The following DOCK2 variants were observed in gnomAD, a reference collection of about 807,000 sequenced individuals.
DOCK2 encodes dedicator of cytokinesis 2.
DOCK2 carries 87 observed loss-of-function variants against 248.9 expected under a neutral mutation model. The observed-to-expected ratio is 0.35, with a 90% confidence interval of 0.29 to 0.42. DOCK2 has a LOEUF of 0.42. Ranked by LOEUF, DOCK2 falls within the 10% of genes least tolerant of loss-of-function variation. The pLI is 1.00. For synonymous variants in DOCK2, 805 were observed against 821.6 expected (o/e 0.98, Z 0.35); for missense variants, 1,747 against 2,300.2 (o/e 0.76, Z 4.92).
chr5:169,728,819 A>G (rs561208503), intron 22 of DOCK2, among the ~76,000 whole-genome samples: 32 of 110,860 alleles, frequency 2.9e-4, no homozygotes, highest in African/African-American at 1.5e-3. Context: ...AAAATTTCAT[A>G]CTTCACTCAT....
At chr5:169,677,515 C>T (rs1037162626) in intron 6 of DOCK2, among the ~76,000 whole-genome samples, 5 of 152,144 alleles carry the variant, frequency 3.3e-5, no homozygotes, top group Admixed American at 1.3e-4. Context: ...CATGTTTACC[C>T]GTTGTGCATG....
chr5:169,961,108 T>C (rs1777069695), intron 27 of DOCK2, among the ~76,000 whole-genome samples: 1 of 152,226 alleles, frequency 6.6e-6, no homozygotes, highest in Non-Finnish European at 1.5e-5. Flanking sequence ...GGTCAACCTG[T>C]TGCCCATTTG....
At chr5:169,818,318 C>T (rs1160488294) in intron 26 of DOCK2, among the ~76,000 whole-genome samples, 3 of 152,310 alleles carry the variant, frequency 2.0e-5, no homozygotes, top group East Asian at 1.9e-4. Context: ...CGGTCTTGTT[C>T]ACTGCCATAT....
chr5:169,988,900 C>G (rs1057449475), intron 29 of DOCK2, among the ~76,000 whole-genome samples: 2 of 152,170 alleles, frequency 1.3e-5, no homozygotes, highest in Non-Finnish European at 2.9e-5. Context: ...TTATGCCAGA[C>G]CAGTGTTCCC....
At chr5:169,950,960 G>T (rs1016530472) in intron 27 of DOCK2, among the ~76,000 whole-genome samples, 1 of 152,342 alleles carries the variant, frequency 6.6e-6, no homozygotes, top group Middle Eastern at 3.4e-3. Context: ...AATTTGATGA[G>T]ACTATATAAA....
At chr5:170,055,242 C>T (rs1436298129) in intron 41 of DOCK2, 63 bp from the exon 42 acceptor site, 21 of 1,524,640 alleles carry the variant, frequency 1.4e-5, no homozygotes, top group Non-Finnish European at 1.8e-5. Context: ...CAGCAAGGAC[C>T]AGCTATACTT....
At chr5:170,032,589 C>T (rs927095731) in intron 34 of DOCK2, among the ~76,000 whole-genome samples, 1 of 152,120 alleles carries the variant, frequency 6.6e-6, no homozygotes, top group African/African-American at 2.4e-5. Context: ...AGCTTTGTTG[C>T]ATTGTCATTA....
intron 26 of DOCK2, among the ~76,000 whole-genome samples, 172 bp from the exon 27 acceptor site, chr5:169,840,585 C>CGATGATGATGAT (rs10684419): frequency 1.6e-4 from 24 of 148,202 alleles, no homozygotes; most frequent in East Asian, 1.0e-3. Context: ...GGAGATATGG[C>CGATGATGATGAT]GATGATGATG....
chr5:170,011,140 G>A (rs1702826068), intron 32 of DOCK2, among the ~76,000 whole-genome samples: 1 of 152,192 alleles, frequency 6.6e-6, no homozygotes, highest in South Asian at 2.1e-4. Context: ...TTGGATGAAA[G>A]CAGAACTATT....
At position 170,081,885 on chromosome 5, in the gene DOCK2, C is replaced by T. The variant is rs772576626; in HGVS notation, c.5331C>T (p.Ala1777=). 1.2e-6 allele frequency: 2 copies of T among 1,613,884 alleles called. No homozygotes were observed. Among genetic ancestry groups the T allele is most frequent in the South Asian group, 1.1e-5 (1 of 91,058 alleles). ...SVAGIPGLDE[A]NTSPRLSQTF... is the part of the protein sequence containing the mutation. Reference sequence around the variant, plus strand: ...CAGGCATCCCTGGGTTGGATGAGGCCAACACATCTCCCCGCCTCAGCCAGA... The same window carrying T: ...CAGGCATCCCTGGGTTGGATGAGGCTAACACATCTCCCCGCCTCAGCCAGA... The change falls in exon 51 of 52, where the codon GCC becomes GCT. Residue 1777 remains alanine, a synonymous_variant. Coordinates refer to ENST00000520908, the MANE Select transcript of DOCK2 (RefSeq NM_004946.3).
intron 27 of DOCK2, chr5:169,883,382 T>C: frequency 6.4e-7 from 1 of 1,551,634 alleles, no homozygotes; most frequent in South Asian, 1.2e-5. Flanking sequence ...TTGGGGACCC[T>C]TGGGAGGAAT....
chr5:169,974,830 AC>A (rs1203613430), intron 27 of DOCK2, among the ~76,000 whole-genome samples: 1 of 150,556 alleles, frequency 6.6e-6, no homozygotes, highest in Non-Finnish European at 1.5e-5. Context: ...CATATTTGTG[AC>A]CCCCCTCCCC....
intron 27 of DOCK2, among the ~76,000 whole-genome samples, chr5:169,863,068 T>C (rs1643906967): frequency 1.3e-5 from 2 of 152,228 alleles, no homozygotes; most frequent in Non-Finnish European, 2.9e-5. Flanking sequence ...TACTTAATTA[T>C]ATTACTTTAG....
intron 9 of DOCK2, among the ~76,000 whole-genome samples, chr5:169,693,661 T>TGGG (rs1406732849): frequency 4.0e-5 from 6 of 151,620 alleles, no homozygotes; most frequent in African/African-American, 9.7e-5. Context: ...GATGATGGGG[T>TGGG]GGGGGGTCTT....
intron 1 of DOCK2, among the ~76,000 whole-genome samples, chr5:169,653,470 T>C (rs1174949841): frequency 6.6e-6 from 1 of 152,170 alleles, no homozygotes; most frequent in African/African-American, 2.4e-5. Flanking sequence ...CTACTGCCTG[T>C]TGTGTGGGCA....
chr5:169,813,901 A>AT (rs1157616311), intron 26 of DOCK2, among the ~76,000 whole-genome samples: 2 of 152,146 alleles, frequency 1.3e-5, no homozygotes, highest in Non-Finnish European at 2.9e-5. Flanking sequence ...CAATCCCAAA[A>AT]TGTGGGGAAG....
chr5:169,878,584 T>C (rs921807280), intron 27 of DOCK2, among the ~76,000 whole-genome samples: 17 of 152,238 alleles, frequency 1.1e-4, no homozygotes, highest in Non-Finnish European at 2.4e-4. Context: ...AGGAAGGTTT[T>C]AAAGACGTTC....
chr5:169,892,397 A>G (rs1319143073), intron 27 of DOCK2, among the ~76,000 whole-genome samples: 1 of 152,266 alleles, frequency 6.6e-6, no homozygotes, highest in Non-Finnish European at 1.5e-5. Flanking sequence ...GTGGAACTGC[A>G]CAAGTGACAC....
chr5:169,687,661 A>G (rs1760064796), intron 8 of DOCK2, among the ~76,000 whole-genome samples: 1 of 152,226 alleles, frequency 6.6e-6, no homozygotes, highest in Non-Finnish European at 1.5e-5. Flanking sequence ...AGCAAACTAT[A>G]TTAAGCTTCT....
Sources: allele counts gnomAD v4.1 joint callset (sites outside exome capture counted in the v4.1 genomes callset), GRCh38; gene constraint gnomAD v4.1.1; transcripts MANE v1.5; gene names NCBI Gene and HGNC (gene_info 2026-07-23, HGNC 2026-07-21).